Variants in MBD5 observed in about 807,000 individuals in gnomAD.
MBD5 encodes methyl-CpG binding domain protein 5, also known as methyl-CpG-binding domain protein 5.
In MBD5, 13 loss-of-function variants were observed where a neutral mutation model predicts 117.3. That is an observed-to-expected ratio of 0.11 (90% CI 0.07 to 0.18). The LOEUF (loss-of-function observed/expected upper bound fraction) is 0.18, where lower values mean the gene tolerates loss of function less well. Among genes scored for constraint, MBD5 ranks in the 10% least tolerant of loss-of-function variants. The pLI, the probability that MBD5 is intolerant of heterozygous loss-of-function variation, is 1.00. For missense variants in MBD5, 1,879 were observed against 2,093.8 expected (o/e 0.90, Z 2.00); for synonymous variants, 727 against 766.4 (o/e 0.95, Z 0.85).
intron 2 of MBD5, among the ~76,000 whole-genome samples, chr2:148,199,231 A>T (rs1558969184): frequency 6.6e-6 from 1 of 152,170 alleles, no homozygotes; most frequent in Non-Finnish European, 1.5e-5. Flanking sequence ...ATTGTGGAAG[A>T]TAATCTCCTT....
At chr2:148,239,734 G>A (rs1700172218) in intron 3 of MBD5, among the ~76,000 whole-genome samples, 1 of 96,526 alleles carries the variant, frequency 1.0e-5, no homozygotes, top group Non-Finnish European at 2.2e-5. Context: ...TTGAGATAGG[G>A]TCTTGCATTG....
At chr2:148,181,409 T>TTTATGGTTAAA (rs1326259658) in intron 2 of MBD5, among the ~76,000 whole-genome samples, 1 of 152,200 alleles carries the variant, frequency 6.6e-6, no homozygotes, top group Non-Finnish European at 1.5e-5. Context: ...AGAATATATG[T>TTTATGGTTAAA]TTATGATTAA....
At chr2:148,183,931 T>TA (rs1558962449) in intron 2 of MBD5, among the ~76,000 whole-genome samples, 2 of 152,006 alleles carry the variant, frequency 1.3e-5, no homozygotes, top group Non-Finnish European at 2.9e-5. Context: ...AATCACATTG[T>TA]AAAAAAATTT....
chr2:148,075,707 T>C (rs1405058778), intron 1 of MBD5, among the ~76,000 whole-genome samples: 2 of 152,016 alleles, frequency 1.3e-5, no homozygotes, highest in Non-Finnish European at 2.9e-5. Context: ...AATTGGTTAA[T>C]GTATTCTTAA....
intron 3 of MBD5, among the ~76,000 whole-genome samples, chr2:148,327,634 T>C (rs9751522): frequency 0.27 from 39,685 of 149,230 alleles, 5,481 homozygotes; most frequent in African/African-American, 0.3. Context: ...TTGATCGCAT[T>C]GGCTCCTGAG....
chr2:148,494,426 AC>A (rs1681631558), intron 11 of MBD5, among the ~76,000 whole-genome samples: 1 of 152,226 alleles, frequency 6.6e-6, no homozygotes, highest in East Asian at 1.9e-4. Flanking sequence ...CTAAAAAAAA[AC>A]AACTCAGACT....
At chr2:148,320,425 T>A (rs1574281801) in intron 3 of MBD5, among the ~76,000 whole-genome samples, 1 of 152,116 alleles carries the variant, frequency 6.6e-6, no homozygotes, top group Admixed American at 6.6e-5. Flanking sequence ...TGAGTTATGG[T>A]TCACTGCAGC....
At chr2:148,428,437 T>C (rs1705878481) in intron 4 of MBD5, among the ~76,000 whole-genome samples, 1 of 152,140 alleles carries the variant, frequency 6.6e-6, no homozygotes, top group African/African-American at 2.4e-5. Flanking sequence ...AATTTATAGA[T>C]TCAATGTTAT....
rs1161621266 is a variant in MBD5 at position 148,389,484 on chromosome 2, T to A, written c.-557+47148T>A. ...TTGCTGGATGGAATGGTAGTTCTAT[T>A]TTTGTTCTTTGAGAAATCTCCACAT... On this transcript the variant is annotated intron_variant, in intron 4 of 13. Coordinates refer to ENST00000642680, the MANE Select transcript of MBD5 (RefSeq NM_001378120.1). Among the ~76,000 whole-genome samples, 3 of 151,592 alleles carry A rather than the reference T, an allele frequency of 2.0e-5. No individual in the cohort carries two copies. The East Asian group carries it at 5.8e-4, about 29-fold the overall frequency.
At chr2:148,487,197 A>G (rs1279800652) in intron 10 of MBD5, among the ~76,000 whole-genome samples, 1 of 152,192 alleles carries the variant, frequency 6.6e-6, no homozygotes, top group Non-Finnish European at 1.5e-5. Context: ...TTAAATCTGG[A>G]AGCTGTAAAT....
At chr2:148,474,882 T>C (rs1680910420) in intron 8 of MBD5, among the ~76,000 whole-genome samples, 1 of 152,156 alleles carries the variant, frequency 6.6e-6, no homozygotes, top group African/African-American at 2.4e-5. Context: ...AGTTTGGTTT[T>C]TATGTCCTGT....
intron 4 of MBD5, among the ~76,000 whole-genome samples, chr2:148,371,534 C>G (rs1158289970): frequency 6.6e-6 from 1 of 152,152 alleles, no homozygotes; most frequent in Non-Finnish European, 1.5e-5. Flanking sequence ...GGAAACTAGG[C>G]TATAAATATT....
chr2:148,377,130 T>C (rs1348043657), intron 4 of MBD5, among the ~76,000 whole-genome samples: 1 of 151,792 alleles, frequency 6.6e-6, no homozygotes, highest in African/African-American at 2.4e-5. Context: ...GATCCCACAA[T>C]AGACCATCTG....
intron 3 of MBD5, among the ~76,000 whole-genome samples, chr2:148,316,906 C>T (rs1046201542): frequency 2.0e-5 from 3 of 152,038 alleles, no homozygotes; most frequent in Admixed American, 1.3e-4. Context: ...TGAGCTTGTG[C>T]TTTGTTATTT....
In MBD5 at chr2:148,469,035, T is replaced by G; in HGVS notation, c.1092T>G (p.Ile364Met). Residue 364 changes from isoleucine to methionine, a missense_variant, in exon 8 of 14, where the codon ATT (isoleucine) becomes ATG (methionine). Physicochemically the swap from Ile to Met is conservative, Grantham distance 10. This residue lies in a region of MBD5 where 1,666 missense variants were observed against 1,792.2 expected (regional missense o/e 0.93). Coordinates refer to ENST00000642680, the MANE Select transcript of MBD5 (RefSeq NM_001378120.1). ...ATCCACTTGGCATTCTTGACCCTAT[T>G]CCTAGTAAACCAGTGAATCAGAACC... ...EKDPLGILDP[I>M]PSKPVNQNPV... 6.2e-7 allele frequency: 1 copy of G among 1,613,980 alleles called. No homozygotes were observed. Among genetic ancestry groups the G allele is most frequent in the South Asian group, 1.1e-5 (1 of 91,086 alleles).
chr2:148,462,433 A>G (rs2105569256), intron 5 of MBD5, 149 bp from the exon 6 acceptor site: 1 of 637,744 alleles, frequency 1.6e-6, no homozygotes, highest in Admixed American at 2.5e-5. Context: ...GCTATAATTT[A>G]GTAGCTAACA....
At chr2:148,389,251 CATATATATATAT>C (rs70995314) in intron 4 of MBD5, among the ~76,000 whole-genome samples, 1,473 of 32,284 alleles carry the variant, frequency 0.046, 98 homozygotes, top group Non-Finnish European at 0.063. Flanking sequence ...GAAAAAAAAA[CATATATATATAT>C]ATATATATAT....
chr2:148,057,191 C>A (rs899259849), intron 1 of MBD5, among the ~76,000 whole-genome samples: 5 of 151,636 alleles, frequency 3.3e-5, no homozygotes, highest in Non-Finnish European at 5.9e-5. Flanking sequence ...CTATTGTGTG[C>A]TATTTACTAT....
intron 1 of MBD5, among the ~76,000 whole-genome samples, chr2:148,031,820 CAAAT>C (rs1460891718): frequency 6.6e-6 from 1 of 151,982 alleles, no homozygotes; most frequent in African/African-American, 2.4e-5. Context: ...TTTTCTTTCA[CAAAT>C]AAATTTTTTA....
Sources: allele counts gnomAD v4.1 joint callset (sites outside exome capture counted in the v4.1 genomes callset), GRCh38; gene constraint gnomAD v4.1.1; regional missense constraint gnomAD v4.1.1; transcripts MANE v1.5; gene names NCBI Gene and HGNC (gene_info 2026-07-23, HGNC 2026-07-21).